SIPA1: variants seen among roughly 807,000 people sequenced by gnomAD.
SIPA1 encodes the protein signal-induced proliferation-associated 1.
A neutral mutation model predicts 88.1 loss-of-function variants in SIPA1; 51 were observed. The ratio of observed to expected loss-of-function variants is 0.58; its 90% confidence interval spans 0.46 to 0.73. The LOEUF is 0.73. SIPA1 is among the 30% of genes least tolerant of loss of function. SIPA1 has a pLI of 0.00. For missense variants in SIPA1, 1,348 were observed against 1,467.6 expected (o/e 0.92, Z 1.33); for synonymous variants, 681 against 664.8 (o/e 1.02, Z -0.37).
At chr11:65,647,708 C>G (rs1194217655) in intron 9 of SIPA1, 50 bp downstream of exon 9, 1 of 1,288,070 alleles carries the variant, frequency 7.8e-7, no homozygotes, top group East Asian at 3.5e-5. Flanking sequence ...AGTTGGCCAC[C>G]GCGCAGTCTG....
At position 65,646,433 on chromosome 11, in the gene SIPA1, C is replaced by T. The variant is rs1454453789; in HGVS notation, c.1422-23C>T. The T allele has an allele frequency of 6.3e-6, 10 of 1,594,094 alleles. No homozygotes were observed. The highest frequency in any genetic ancestry group is 7.7e-6 in the Non-Finnish European group (9 of 1,173,984). Reference sequence around the variant, plus strand: ...GTGGGCATGGAGTCCTGCCGCCCCTCACTAACGCCTCCCTCCCCGCAGGGT... The same window carrying T: ...GTGGGCATGGAGTCCTGCCGCCCCTTACTAACGCCTCCCTCCCCGCAGGGT... On this transcript the variant is annotated intron_variant, in intron 7 of 15. Coordinates refer to ENST00000534313, the MANE Select transcript of SIPA1 (RefSeq NM_006747.4). The surrounding 1 kb of genome is among the most constrained non-coding windows in gnomAD (Gnocchi z 7.5).
chr11:65,647,975 A>C (rs1856169788), intron 9 of SIPA1, among the ~76,000 whole-genome samples: 1 of 151,366 alleles, frequency 6.6e-6, no homozygotes, highest in Admixed American at 6.6e-5. Context: ...AGGTTCAAGC[A>C]GTTCTCCTGC....
Position 65,644,158 on chromosome 11 carries a change from CAG to C in SIPA1, c.985-796_985-795del, listed in dbSNP as rs573284964. On this transcript the variant is annotated intron_variant, in intron 4 of 15. Coordinates refer to ENST00000534313, the MANE Select transcript of SIPA1 (RefSeq NM_006747.4). ...AGTCACAGCAAGGTGAGACATTAGG[CAG>C]CCGGAGAAAAAGGCCCGGGGTTTGG... 4.5e-3 allele frequency among the ~76,000 whole-genome samples: 677 copies of C among 151,250 alleles called. 6 individuals carry two copies. Among genetic ancestry groups the C allele is most frequent in the African/African-American group, 0.016 (650 of 41,098 alleles).
chr11:65,647,381 C>G lies in SIPA1; in HGVS notation c.2032-3C>G. 1 of 1,433,158 alleles carries G rather than the reference C, an allele frequency of 7.0e-7. No homozygotes were observed. 88.8% of individuals were successfully genotyped at this position (1,433,158 alleles called of 1,614,324 possible). ...CCGCCCACTCGTCCCGCCCCGTCCG[C>G]AGCTGGTGAGCCGTGGCTGCGAGAC... On this transcript the variant is annotated splice_polypyrimidine_tract_variant and splice_region_variant and intron_variant, in intron 8 of 15. Coordinates refer to ENST00000534313, the MANE Select transcript of SIPA1 (RefSeq NM_006747.4).
Position 65,647,398 on chromosome 11 carries a change from C to A in SIPA1, c.2046C>A (p.Gly682=). 1 of 1,456,714 alleles carries A rather than the reference C, an allele frequency of 6.9e-7. No individual in the cohort carries two copies. Among genetic ancestry groups the A allele is most frequent in the Non-Finnish European group, 9.0e-7 (1 of 1,112,316 alleles). 90.2% of individuals were successfully genotyped at this position (1,456,714 alleles called of 1,614,324 possible). A position where few individuals can be genotyped will look rare whatever the true frequency, so the allele number is the denominator to read the frequency against. ...VVARLQLVSR[G]CETRELALPR... is the part of the protein sequence containing the mutation. ...CCCGTCCGCAGCTGGTGAGCCGTGG[C>A]TGCGAGACCCGCGAGCTGGCGCTGC... is the stretch of plus-strand genomic sequence containing the variant. Residue 682 remains glycine, a synonymous_variant, in exon 9 of 16, where the codon GGC becomes GGA. Coordinates refer to ENST00000534313, the MANE Select transcript of SIPA1 (RefSeq NM_006747.4).
At chr11:65,648,560 G>A (rs1055295995) in intron 9 of SIPA1, among the ~76,000 whole-genome samples, 4 of 152,082 alleles carry the variant, frequency 2.6e-5, no homozygotes, top group Non-Finnish European at 5.9e-5. Flanking sequence ...CGGACCGGGC[G>A]CGGTGGCTCA....
At chr11:65,641,728 A>C (rs1482128950) in intron 2 of SIPA1, 128 bp downstream of exon 2, 1 of 893,290 alleles carries the variant, frequency 1.1e-6, no homozygotes, top group African/African-American at 1.7e-5. Context: ...GGGAGGGCTC[A>C]AGAGCTGAGC....
Position 65,645,176 on chromosome 11 carries a change from G to C in SIPA1, c.1159+47G>C, listed in dbSNP as rs767015695. 7 of 1,556,502 alleles carry C rather than the reference G, an allele frequency of 4.5e-6. 1 individual carries two copies. The South Asian group carries it at 8.1e-5, about 18-fold the overall frequency. On this transcript the variant is annotated intron_variant, in intron 5 of 15. Coordinates refer to ENST00000534313, the MANE Select transcript of SIPA1 (RefSeq NM_006747.4). ...GGTGGGAGCAGATCTGTGCTGAAGG[G>C]GTGAGCACAAATTGCCTTGTCACTC... is the stretch of plus-strand genomic sequence containing the variant.
intron 8 of SIPA1, 151 bp downstream of exon 8, chr11:65,647,216 G>A (rs941979741): frequency 6.5e-5 from 90 of 1,393,484 alleles, no homozygotes; most frequent in East Asian, 2.7e-5. Context: ...GGCCGGAACT[G>A]GTGCCCTCGG....
rs112931776 is a variant in SIPA1 at position 65,641,113 on chromosome 11, G to A, written c.192G>A (p.Thr64=). ...ATGCAGGCGAGGCCAGGCCCCCCACGCCAGCCAGCCCCCGTGCCCGTGCCC... is the reference window on the plus strand; with the variant it reads ...ATGCAGGCGAGGCCAGGCCCCCCACACCAGCCAGCCCCCGTGCCCGTGCCC... ...GSDAGEARPP[T]PASPRARAHS... is the part of the protein sequence containing the mutation. The change falls in exon 2 of 16, where the codon ACG becomes ACA. Residue 64 remains threonine (T), a synonymous_variant. Transcript: ENST00000534313. The A allele has an allele frequency of 6.9e-5, 110 of 1,601,096 alleles. 3 individuals are homozygous for A. The African/African-American group carries it at 9.9e-4, about 14-fold the overall frequency.
At position 65,647,286 on chromosome 11, in the gene SIPA1, G is replaced by A. The variant is rs942201532; in HGVS notation, c.2032-98G>A. 2.3e-5 allele frequency: 32 copies of A among 1,372,492 alleles called. No homozygotes were observed. In the Admixed American group the frequency reaches 7.6e-4, roughly 33 times the overall value. The allele number at this position is 1,372,492 out of a possible 1,614,324, so 85.0% of individuals were successfully genotyped here. ...GGCACACGCGGCCCTCGGGGACTGT[G>A]GAAAGTTCCGTGTGGCCTGGGACGC... is the stretch of plus-strand genomic sequence containing the variant. On this transcript the variant is annotated intron_variant, in intron 8 of 15. Transcript: ENST00000534313.
rs1358557147 is a variant in SIPA1, at chr11:65,646,550, T to C, written c.1516T>C (p.Phe506Leu). 6.4e-7 allele frequency: 1 copy of C among 1,554,934 alleles called. No homozygotes were observed. Among genetic ancestry groups the C allele is most frequent in the Non-Finnish European group, 8.6e-7 (1 of 1,156,218 alleles). ...CGCAGCCAACGCCGACTTCCGGGCC[T>C]TCCTGCTGGCCAAAGCGCTGAATGG... ...PFAANADFRA[F>L]LLAKALNGEQ... Residue 506 changes from phenylalanine (F) to leucine (L), a missense_variant, in exon 8 of 16, where the codon TTC becomes CTC. Physicochemically the swap from Phe to Leu is conservative, Grantham distance 22. This residue lies in a region of SIPA1 where 641 missense variants were observed against 797.7 expected (regional missense o/e 0.80). Coordinates refer to ENST00000534313, the MANE Select transcript of SIPA1 (RefSeq NM_006747.4). The surrounding 1 kb of genome is among the most constrained non-coding windows in gnomAD (Gnocchi z 7.5).
At position 65,650,446 on chromosome 11, in the gene SIPA1, C is replaced by T. The variant is rs200908972; in HGVS notation, c.2949C>T (p.Ser983=). The T allele has an allele frequency of 3.6e-5, 58 of 1,614,152 alleles. No homozygotes were observed. The African/African-American group carries it at 7.3e-4, about 20-fold the overall frequency. Residue 983 remains serine, a synonymous_variant, in exon 15 of 16, where the codon TCC becomes TCT. Coordinates refer to ENST00000534313, the MANE Select transcript of SIPA1 (RefSeq NM_006747.4). ...CAGAGAAGGTCTCTCACTTGGAGTC[C>T]ATGCTCAGGAAGCTGCAGGAGGACC... ...NLSEKVSHLE[S]MLRKLQEDLQ...
chr11:65,644,940 G>A lies in SIPA1; in HGVS notation c.985-15G>A, dbSNP rs1049776413. The A allele has an allele frequency of 6.2e-7, 1 of 1,607,410 alleles. No individual in the cohort carries two copies. Among genetic ancestry groups the A allele is most frequent in the Non-Finnish European group, 8.5e-7 (1 of 1,175,822 alleles). On this transcript the variant is annotated splice_polypyrimidine_tract_variant and intron_variant, in intron 4 of 15. Transcript: ENST00000534313. ...CAGGGGACTGAGACCTATGCCTTCT[G>A]TCTCCCACCCACAGCTGAGCTTCCA...
At position 65,649,481 on chromosome 11, in the gene SIPA1, G is replaced by A; in HGVS notation, c.2525+1G>A. On this transcript the variant is annotated splice_donor_variant, in intron 10 of 15. Transcript: ENST00000534313. LOFTEE classifies it high-confidence loss of function. ...GCCAGAACTCGCTGTCACCACGCAGGTGCACACTCTTGGCCTTCCCTCTCC... is the reference window on the plus strand; with the variant it reads ...GCCAGAACTCGCTGTCACCACGCAGATGCACACTCTTGGCCTTCCCTCTCC... 6.2e-7 allele frequency: 1 copy of A among 1,613,548 alleles called. No individual in the cohort carries two copies. Among genetic ancestry groups the A allele is most frequent in the Non-Finnish European group, 8.5e-7 (1 of 1,179,636 alleles).
rs1555003564 is a variant in SIPA1, at chr11:65,642,901, C to CTTTCTTTCTTTA, written c.984+265_984+266insCTTTCTTTATTT. 4.5e-3 allele frequency among the ~76,000 whole-genome samples: 659 copies of CTTTCTTTCTTTA among 146,952 alleles called. 5 individuals carry two copies. The highest frequency in any genetic ancestry group is 0.016 in the African/African-American group (615 of 39,402). ...CAGACCATCTGAATCAGAGTTTGCA[C>CTTTCTTTCTTTA]TTTATTTATTTATTTATTTATTTAT... On this transcript the variant is annotated intron_variant, in intron 4 of 15. Transcript: ENST00000534313. This position sits in a 1 kb window ranked among gnomAD's most constrained non-coding sequence, Gnocchi z 6.5.
At chr11:65,649,166 G>T in intron 9 of SIPA1, 96 bp from the exon 10 acceptor site, 1 of 879,284 alleles carries the variant, frequency 1.1e-6, no homozygotes, top group Non-Finnish European at 1.7e-6. Flanking sequence ...GAGCTCTCCT[G>T]CTCCTGGAAG....
chr11:65,645,209 C>T lies in SIPA1; in HGVS notation c.1159+80C>T, dbSNP rs980135925. ...CAAATTGCCTTGTCACTCCTTTGTC[C>T]GTACAATCCTGGGGCTGGGGACTGG... On this transcript the variant is annotated intron_variant, in intron 5 of 15. Coordinates refer to ENST00000534313, the MANE Select transcript of SIPA1 (RefSeq NM_006747.4). The T allele has an allele frequency of 1.1e-5, 15 of 1,398,062 alleles. No individual in the cohort carries two copies. In the African/African-American group the frequency reaches 1.1e-4, roughly 11 times the overall value. 86.6% of individuals were successfully genotyped at this position (1,398,062 alleles called of 1,614,324 possible). A position where few individuals can be genotyped will look rare whatever the true frequency, so the allele number is the denominator to read the frequency against.
chr11:65,647,161 G>A (rs762958258), intron 8 of SIPA1, 96 bp downstream of exon 8: 1 of 1,417,174 alleles, frequency 7.1e-7, no homozygotes, highest in Non-Finnish European at 9.2e-7. Context: ...TACTCCTGCG[G>A]AAGGGAAAGT....
Sources: allele counts gnomAD v4.1 joint callset (sites outside exome capture counted in the v4.1 genomes callset), GRCh38; gene constraint gnomAD v4.1.1; regional missense constraint gnomAD v4.1.1; non-coding constraint Gnocchi (gnomAD v3.1); transcripts MANE v1.5; gene names NCBI Gene and HGNC (gene_info 2026-07-23, HGNC 2026-07-21).